Variants in TBC1D4 observed in about 807,000 individuals in gnomAD.
TBC1D4 encodes TBC (Tre-2, BUB2, CDC16) domain-containing protein.
TBC1D4 carries 121 observed loss-of-function variants against 142.5 expected under a neutral mutation model. The observed-to-expected ratio is 0.85, with a 90% confidence interval of 0.73 to 0.99. The LOEUF (loss-of-function observed/expected upper bound fraction) is 0.99. Ranked by LOEUF, TBC1D4 falls within the 50% of genes least tolerant of loss-of-function variation. The probability of loss-of-function intolerance (pLI) is 0.00; values close to 1 mark genes in which losing one functional copy is unlikely to be tolerated. For missense variants in TBC1D4, 1,475 were observed against 1,606.6 expected (o/e 0.92, Z 1.40); for synonymous variants, 630 against 628.2 (o/e 1.00, Z -0.04).
chr13:75,292,343 T>C, intron 18 of TBC1D4, 72 bp from the exon 19 acceptor site: 1 of 1,324,922 alleles, frequency 7.5e-7, no homozygotes, highest in Non-Finnish European at 1.0e-6. Context: ...CTATTTGTGC[T>C]AAAGGTTTTT....
chr13:75,353,655 T>A (rs1881802108), intron 4 of TBC1D4, among the ~76,000 whole-genome samples: 1 of 152,078 alleles, frequency 6.6e-6, no homozygotes, highest in African/African-American at 2.4e-5. Context: ...TTCGGTAGGA[T>A]GTGATATGTA....
chr13:75,370,817 T>C (rs1377394384), intron 1 of TBC1D4, among the ~76,000 whole-genome samples: 1 of 152,030 alleles, frequency 6.6e-6, no homozygotes, highest in East Asian at 1.9e-4. Flanking sequence ...TGGAAGTTAT[T>C]AGCATCTAGA....
At chr13:75,446,067 G>A (rs549445216) in intron 1 of TBC1D4, among the ~76,000 whole-genome samples, 26 of 152,254 alleles carry the variant, frequency 1.7e-4, no homozygotes, top group African/African-American at 5.5e-4. Flanking sequence ...GCTGAGCAGC[G>A]GAAAATGATA....
chr13:75,350,339 T>C (rs1881495818), intron 4 of TBC1D4, among the ~76,000 whole-genome samples: 1 of 152,186 alleles, frequency 6.6e-6, no homozygotes, highest in African/African-American at 2.4e-5. Flanking sequence ...CTTCTACATT[T>C]CAGTATATGA....
chr13:75,445,253 T>C (rs1390810705), intron 1 of TBC1D4, among the ~76,000 whole-genome samples: 1 of 152,234 alleles, frequency 6.6e-6, no homozygotes, highest in Non-Finnish European at 1.5e-5. Flanking sequence ...TGTACATCAC[T>C]CTATTCCATA....
At chr13:75,382,864 T>C (rs781406190) in intron 1 of TBC1D4, among the ~76,000 whole-genome samples, 11 of 152,232 alleles carry the variant, frequency 7.2e-5, no homozygotes, top group Non-Finnish European at 1.0e-4. Flanking sequence ...TTAAATAATA[T>C]ATACAATTCA....
chr13:75,297,277 G>A (rs1343301257), intron 17 of TBC1D4, among the ~76,000 whole-genome samples: 1 of 152,156 alleles, frequency 6.6e-6, no homozygotes, highest in Non-Finnish European at 1.5e-5. Flanking sequence ...TAATTTTTAA[G>A]TTGAAATATC....
chr13:75,463,282 A>G (rs566131349), intron 1 of TBC1D4, among the ~76,000 whole-genome samples: 45 of 152,266 alleles, frequency 3.0e-4, no homozygotes, highest in Admixed American at 1.3e-4. Context: ...GGCAAATCCT[A>G]AGGCTCTTGG....
chr13:75,394,552 A>G (rs1884677651), intron 1 of TBC1D4, among the ~76,000 whole-genome samples: 1 of 152,194 alleles, frequency 6.6e-6, no homozygotes, highest in Non-Finnish European at 1.5e-5. Flanking sequence ...AAGAAAAAGA[A>G]TGCTCAGAAC....
rs1875747483 is a variant in TBC1D4, at chr13:75,294,968, C to A, written c.3202G>T (p.Asp1068Tyr). 4.3e-6 allele frequency: 7 copies of A among 1,613,678 alleles called. No individual in the cohort carries two copies. The highest frequency in any genetic ancestry group is 5.9e-6 in the Non-Finnish European group (7 of 1,179,852). Residue 1068 changes from aspartate to tyrosine, a missense_variant, in exon 18 of 21, where the codon GAT becomes TAT. Asp to Tyr is a radical substitution (Grantham distance 160). Around this residue, in one of 2 missense-constraint regions of TBC1D4, gnomAD observed 248 missense variants for 338.9 expected, o/e 0.73. Coordinates refer to ENST00000377636, the MANE Select transcript of TBC1D4 (RefSeq NM_014832.5). ...LSRLLHDYHR[D>Y]LYNHLEENEI... Reference sequence around the variant, plus strand: ...TTTTCTTCAAGGTGATTGTAGAGATCTCTGTGATAGTCATGAAGGAGCCTG... The same window carrying A: ...TTTTCTTCAAGGTGATTGTAGAGATATCTGTGATAGTCATGAAGGAGCCTG...
chr13:75,340,114 G>T (rs1880556488), intron 7 of TBC1D4, among the ~76,000 whole-genome samples: 1 of 150,164 alleles, frequency 6.7e-6, no homozygotes, highest in South Asian at 2.2e-4. Flanking sequence ...CTATTCTCTG[G>T]AGAGGACATG....
chr13:75,479,178 C>T lies in TBC1D4; in HGVS notation c.498+2092G>A, dbSNP rs377002544. On this transcript the variant is annotated intron_variant, in intron 1 of 20. Transcript: ENST00000377636. ...CTTTGTTATTTGAGTTTGTAACCACCGATTAATGGCTGGAGATGCTCTCTA... is the reference window on the plus strand; with the variant it reads ...CTTTGTTATTTGAGTTTGTAACCACTGATTAATGGCTGGAGATGCTCTCTA... 5.9e-5 allele frequency among the ~76,000 whole-genome samples: 9 copies of T among 152,238 alleles called. No individual in the cohort carries two copies. The East Asian group carries it at 1.7e-3, about 29-fold the overall frequency.
At chr13:75,471,736 CAAAA>C (rs67975515) in intron 1 of TBC1D4, among the ~76,000 whole-genome samples, 4 of 137,426 alleles carry the variant, frequency 2.9e-5, no homozygotes, top group African/African-American at 5.4e-5. Context: ...GAGACTGTCT[CAAAA>C]AAAAAAAAAA....
intron 1 of TBC1D4, among the ~76,000 whole-genome samples, chr13:75,428,469 T>C (rs1886467286): frequency 6.6e-6 from 1 of 152,200 alleles, no homozygotes; most frequent in Admixed American, 6.5e-5. Flanking sequence ...TAACGTTTGC[T>C]GGTGTGAATC....
intron 8 of TBC1D4, among the ~76,000 whole-genome samples, chr13:75,336,578 T>A (rs1880225176): frequency 6.6e-6 from 1 of 151,822 alleles, no homozygotes; most frequent in Non-Finnish European, 1.5e-5. Context: ...CATGGTGATG[T>A]ACACCTGTAA....
chr13:75,454,029 T>A (rs1402326250), intron 1 of TBC1D4, among the ~76,000 whole-genome samples: 1 of 151,062 alleles, frequency 6.6e-6, no homozygotes, highest in East Asian at 1.9e-4. Flanking sequence ...ATCTCTATTT[T>A]TTTTTTTTTT....
intron 1 of TBC1D4, among the ~76,000 whole-genome samples, chr13:75,365,574 C>A (rs569347468): frequency 6.6e-6 from 1 of 152,276 alleles, no homozygotes; most frequent in Admixed American, 6.5e-5. Context: ...AGTACTTGTA[C>A]ATACATACAA....
chr13:75,327,467 GC>G (rs1407874792), intron 9 of TBC1D4, among the ~76,000 whole-genome samples: 4 of 152,094 alleles, frequency 2.6e-5, no homozygotes, highest in Non-Finnish European at 5.9e-5. Flanking sequence ...CTAATATATG[GC>G]TCATTTTTTA....
chr13:75,479,024 T>C (rs1005320185), intron 1 of TBC1D4, among the ~76,000 whole-genome samples: 1 of 152,240 alleles, frequency 6.6e-6, no homozygotes, highest in Non-Finnish European at 1.5e-5. Context: ...CCACTCTCTC[T>C]TGGGAAATCA....
Sources: gnomAD v4.1 joint callset for allele counts (sites outside exome capture counted in the v4.1 genomes callset) on GRCh38, gnomAD v4.1.1 for gene constraint, gnomAD v4.1.1 regional missense constraint, MANE v1.5 for transcripts, NCBI Gene and HGNC (gene_info 2026-07-23, HGNC 2026-07-21) for gene names.